BCL7B: variants seen among roughly 807,000 people sequenced by gnomAD.
BCL7B encodes B-cell CLL/lymphoma 7 protein family member B.
BCL7B carries 11 observed loss-of-function variants against 26.5 expected under a neutral mutation model. The observed-to-expected ratio is 0.42, with a 90% confidence interval of 0.26 to 0.69. The LOEUF is 0.69. Ranked by LOEUF, BCL7B falls within the 30% of genes least tolerant of loss-of-function variation. The pLI, the probability that BCL7B is intolerant of heterozygous loss-of-function variation, is 0.28. For synonymous variants in BCL7B, 111 were observed against 107.9 expected, an observed-to-expected ratio of 1.03 and a Z score of -0.18; for missense variants, 215 against 264.4, an observed-to-expected ratio of 0.81 and a Z score of 1.30.
chr7:73,554,755 G>A (rs967650733), intron 1 of BCL7B, among the ~76,000 whole-genome samples: 1 of 144,718 alleles, frequency 6.9e-6, no homozygotes. Flanking sequence ...CCAAGACCAC[G>A]CCACTGCACT....
intron 1 of BCL7B, 174 bp downstream of exon 1, chr7:73,557,313 C>T (rs1333551081): frequency 3.4e-6 from 4 of 1,165,462 alleles, no homozygotes; most frequent in Non-Finnish European, 4.2e-6. Flanking sequence ...TGATTGGCCG[C>T]GGCCGGCGCG....
intron 4 of BCL7B, among the ~76,000 whole-genome samples, chr7:73,539,336 C>T (rs1791664060): frequency 6.6e-6 from 1 of 151,946 alleles, no homozygotes; most frequent in Non-Finnish European, 1.5e-5. Flanking sequence ...ACTGTAACCT[C>T]TGCTTCTTGG....
intron 1 of BCL7B, chr7:73,557,181 G>A (rs1183584757): frequency 8.2e-5 from 84 of 1,027,226 alleles, no homozygotes; most frequent in Non-Finnish European, 9.2e-5. Context: ...GCCCCGGGCT[G>A]GGCCGGGCGC....
At chr7:73,540,243 A>G in intron 3 of BCL7B, 191 bp from the exon 4 acceptor site, 1 of 603,108 alleles carries the variant, frequency 1.7e-6, no homozygotes, top group Admixed American at 3.0e-5. Context: ...ATGTTTATGC[A>G]ACATTACACT....
At chr7:73,556,059 CA>C (rs1250566631) in intron 1 of BCL7B, among the ~76,000 whole-genome samples, 1 of 150,390 alleles carries the variant, frequency 6.6e-6, no homozygotes, top group Non-Finnish European at 1.5e-5. Context: ...GCGGGGGGGT[CA>C]AAAATGGGGA....
At chr7:73,543,686 G>T in intron 2 of BCL7B, 42 bp from the exon 3 acceptor site, 1 of 1,503,686 alleles carries the variant, frequency 6.7e-7, no homozygotes, top group Non-Finnish European at 9.2e-7. Context: ...AGCCAAGCAG[G>T]AGACTCACAG....
At chr7:73,546,808 G>T (rs569322289) in intron 2 of BCL7B, among the ~76,000 whole-genome samples, 1 of 152,186 alleles carries the variant, frequency 6.6e-6, no homozygotes, top group Non-Finnish European at 1.5e-5. Flanking sequence ...CAAAAACTGC[G>T]TTGAGAAACT....
At chr7:73,543,317 C>T (rs1308147177) in intron 3 of BCL7B, among the ~76,000 whole-genome samples, 1 of 151,982 alleles carries the variant, frequency 6.6e-6, no homozygotes, top group Non-Finnish European at 1.5e-5. Context: ...GCTGGGATTA[C>T]AGGCACGCGC....
At chr7:73,549,700 T>A (rs1792085836) in intron 2 of BCL7B, among the ~76,000 whole-genome samples, 2 of 152,196 alleles carry the variant, frequency 1.3e-5, no homozygotes, top group African/African-American at 4.8e-5. Context: ...CATGATGGCA[T>A]ATGCCTGTGG....
intron 2 of BCL7B, among the ~76,000 whole-genome samples, chr7:73,547,799 C>A (rs1426069854): frequency 6.6e-6 from 1 of 152,052 alleles, no homozygotes; most frequent in Non-Finnish European, 1.5e-5. Context: ...AAAAGAAAAA[C>A]AAATGTAGGA....
At chr7:73,537,578 G>A (rs1175225650) in intron 5 of BCL7B, among the ~76,000 whole-genome samples, 188 bp from the exon 6 acceptor site, 4 of 152,088 alleles carry the variant, frequency 2.6e-5, no homozygotes, top group Admixed American at 2.6e-4. Flanking sequence ...GTCTTTCCTG[G>A]TTTTTTGACT....
At chr7:73,537,884 GC>G (rs1791601774) in intron 5 of BCL7B, 49 bp downstream of exon 5, 1 of 1,409,868 alleles carries the variant, frequency 7.1e-7, no homozygotes, top group Non-Finnish European at 9.7e-7. Context: ...GCGAGACCCT[GC>G]CTTAAACCAA....
At chr7:73,549,977 G>A (rs549282283) in intron 2 of BCL7B, among the ~76,000 whole-genome samples, 4 of 152,336 alleles carry the variant, frequency 2.6e-5, no homozygotes, top group East Asian at 1.9e-4. Context: ...GTCTGCTGGG[G>A]TCTTGGCAAA....
At chr7:73,555,225 G>A (rs782033919) in intron 1 of BCL7B, among the ~76,000 whole-genome samples, 24 of 151,948 alleles carry the variant, frequency 1.6e-4, no homozygotes, top group Non-Finnish European at 2.8e-4. Context: ...TGGCCAACAT[G>A]GTGAAACCCG....
chr7:73,546,566 G>T (rs1554583498), intron 2 of BCL7B, among the ~76,000 whole-genome samples: 1 of 151,828 alleles, frequency 6.6e-6, no homozygotes, highest in East Asian at 1.9e-4. Context: ...TACTCAGGAG[G>T]CTGAGGCAGT....
At chr7:73,557,045 C>G (rs1792386223) in intron 1 of BCL7B, 3 of 987,528 alleles carry the variant, frequency 3.0e-6, no homozygotes, top group Non-Finnish European at 3.6e-6. Context: ...ACTCACCCAA[C>G]TTCAACGCCT....
At chr7:73,551,871 G>A (rs886423376) in intron 2 of BCL7B, among the ~76,000 whole-genome samples, 2 of 151,676 alleles carry the variant, frequency 1.3e-5, no homozygotes, top group African/African-American at 4.8e-5. Context: ...TGAGGCAGGT[G>A]GGTCACGAGG....
At chr7:73,546,086 C>T (rs1462328227) in intron 2 of BCL7B, among the ~76,000 whole-genome samples, 2 of 147,236 alleles carry the variant, frequency 1.4e-5, no homozygotes, top group Admixed American at 1.4e-4. Context: ...GAGCCAAGAT[C>T]GTGCCACTGC....
At chr7:73,545,294 G>T (rs992809684) in intron 2 of BCL7B, among the ~76,000 whole-genome samples, 1 of 152,076 alleles carries the variant, frequency 6.6e-6, no homozygotes, top group Non-Finnish European at 1.5e-5. Flanking sequence ...CTCACTGCAA[G>T]CTCCACCTCC....
Sources: allele counts gnomAD v4.1 joint callset (sites outside exome capture counted in the v4.1 genomes callset), GRCh38; gene constraint gnomAD v4.1.1; transcripts MANE v1.5; gene names NCBI Gene and HGNC (gene_info 2026-07-23, HGNC 2026-07-21).